Variants in C19orf53 observed in about 807,000 individuals in gnomAD.
C19orf53 encodes leydig cell tumor 10 kDa protein homolog.
Under a neutral mutation model 6.5 loss-of-function variants are expected in C19orf53, and 9 were observed. The observed-to-expected ratio is 1.38, with a 90% CI of 0.83 to 2.40. The LOEUF (loss-of-function observed/expected upper bound fraction) is 2.40, where lower values mean the gene tolerates loss of function less well. Among genes scored for constraint, C19orf53 ranks in the 30% most tolerant of loss-of-function variants. The pLI is 0.00. For synonymous variants in C19orf53, 68 were observed against 52.5 expected, an observed-to-expected ratio of 1.29 and a Z score of -1.27; for missense variants, 166 against 129.7, an observed-to-expected ratio of 1.28 and a Z score of -1.36.
intron 2 of C19orf53, among the ~76,000 whole-genome samples, chr19:13,775,989 C>T (rs182471078): frequency 9.2e-5 from 14 of 152,108 alleles, no homozygotes; most frequent in Non-Finnish European, 1.6e-4. Context: ...TGGAGTCTCG[C>T]TCTGTCGCCC....
At chr19:13,775,443 A>G (rs1974359882) in intron 2 of C19orf53, 1 of 152,298 alleles carries the variant, frequency 6.6e-6, no homozygotes, top group Non-Finnish European at 1.5e-5. Context: ...ATACGCGGCT[A>G]ATTTTATTTT....
At position 13,774,508 on chromosome 19, in the gene C19orf53, C is replaced by T. The variant is rs1264191698; in HGVS notation, c.31C>T (p.His11Tyr). Reference protein sequence around the residue: MAQGQRKFQAHKPAKSKTAAA... With the variant: MAQGQRKFQAYKPAKSKTAAA... ...GCAGGGGCAGCGCAAGTTTCAGGCG[C>T]ACAAACCCGCAAAGAGTAAGACGGC... The change falls in exon 1 of 3, where the codon CAC (histidine) becomes TAC (tyrosine). Residue 11 changes from histidine to tyrosine, a missense_variant. Coordinates refer to ENST00000588234, the MANE Select transcript of C19orf53 (RefSeq NM_014047.3). 1 of 1,612,964 alleles carries T rather than the reference C, an allele frequency of 6.2e-7. No individual in the cohort carries two copies. The highest frequency in any genetic ancestry group is 1.7e-5 in the Admixed American group (1 of 59,744).
Position 13,778,235 on chromosome 19 carries a change from C to G in C19orf53, c.*37C>G, listed in dbSNP as rs752073219. ...CCAGTGCAGGCCAACATCCCACCCC[C>G]TACCTCCATATGGGACCTTGCAAGT... On this transcript the variant is annotated 3_prime_UTR_variant, in exon 3 of 3. Coordinates refer to ENST00000588234, the MANE Select transcript of C19orf53 (RefSeq NM_014047.3). 2.6e-6 allele frequency: 4 copies of G among 1,539,268 alleles called. No individual in the cohort carries two copies. The East Asian group carries it at 9.3e-5, about 36-fold the overall frequency.
At position 13,778,195 on chromosome 19, in the gene C19orf53, C is replaced by G; in HGVS notation, c.297C>G (p.Ser99=). Residue 99 remains serine, a synonymous_variant, in exon 3 of 3, where the codon TCC becomes TCG. Coordinates refer to ENST00000588234, the MANE Select transcript of C19orf53 (RefSeq NM_014047.3). ...CCGCCACCTCCTCCAAGACACCTTC[C>G]TGAGGACGCTGGCCCCAGTGCAGGC... ...AAAATSSKTP[S] 1 of 1,600,180 alleles carries G rather than the reference C, an allele frequency of 6.2e-7. No individual in the cohort carries two copies. The highest frequency in any genetic ancestry group is 8.5e-7 in the Non-Finnish European group (1 of 1,171,534).
rs760304288 is a variant in C19orf53 at position 13,774,689 on chromosome 19, G to A, written c.135G>A (p.Gln45=). The change falls in exon 2 of 3, where the codon CAG becomes CAA. Residue 45 remains glutamine, a synonymous_variant. Coordinates refer to ENST00000588234, the MANE Select transcript of C19orf53 (RefSeq NM_014047.3). ...VIAPKKARVV[Q]QQKLKKNLEV... ...CTCCCAAGAAGGCGCGCGTCGTGCA[G>A]CAGCAAAAGCTCAAGAAGGTGTGCG... The A allele has an allele frequency of 1.2e-6, 2 of 1,608,784 alleles. No individual in the cohort carries two copies. The highest frequency in any genetic ancestry group is 1.7e-5 in the Admixed American group (1 of 59,870).
At position 13,774,687 on chromosome 19, in the gene C19orf53, C is replaced by G; in HGVS notation, c.133C>G (p.Gln45Glu). ...VIAPKKARVVQQQKLKKNLEV... is the reference protein window; with the variant it reads ...VIAPKKARVVEQQKLKKNLEV... Reference sequence around the variant, plus strand: ...CGCTCCCAAGAAGGCGCGCGTCGTGCAGCAGCAAAAGCTCAAGAAGGTGTG... The same window carrying G: ...CGCTCCCAAGAAGGCGCGCGTCGTGGAGCAGCAAAAGCTCAAGAAGGTGTG... Residue 45 changes from glutamine (Q) to glutamate (E), a missense_variant, in exon 2 of 3, where the codon CAG becomes GAG. Gln to Glu is a conservative substitution (Grantham distance 29, BLOSUM62 2). Transcript: ENST00000588234. 6.2e-7 allele frequency: 1 copy of G among 1,608,578 alleles called. No homozygotes were observed. Among genetic ancestry groups the G allele is most frequent in the Non-Finnish European group, 8.5e-7 (1 of 1,175,498 alleles).
chr19:13,777,796 A>C (rs1044046519), intron 2 of C19orf53, among the ~76,000 whole-genome samples: 2 of 152,228 alleles, frequency 1.3e-5, no homozygotes, highest in African/African-American at 4.8e-5. Flanking sequence ...TGGCTGCAGC[A>C]GACTGTTTCC....
chr19:13,775,225 C>T (rs1974356346), intron 2 of C19orf53, among the ~76,000 whole-genome samples: 1 of 152,158 alleles, frequency 6.6e-6, no homozygotes, highest in Admixed American at 6.5e-5. Flanking sequence ...GAATTGAAAG[C>T]CCAGCTTTGT....
intron 2 of C19orf53, chr19:13,774,936 T>C (rs1273432926): frequency 3.4e-6 from 2 of 591,842 alleles, no homozygotes; most frequent in Non-Finnish European, 5.9e-6. Context: ...GGATAGGGGC[T>C]GGGGGACGTG....
intron 2 of C19orf53, among the ~76,000 whole-genome samples, chr19:13,775,841 A>T (rs1974364877): frequency 1.3e-5 from 2 of 151,938 alleles, no homozygotes; most frequent in Non-Finnish European, 2.9e-5. Flanking sequence ...TCCAAAACCA[A>T]ATTCCTGATC....
At chr19:13,778,000 G>T in intron 2 of C19orf53, 52 bp from the exon 3 acceptor site, 1 of 1,562,430 alleles carries the variant, frequency 6.4e-7, no homozygotes, top group Non-Finnish European at 8.7e-7. Context: ...GACTGGTCAG[G>T]CCCTCTCTCA....
intron 2 of C19orf53, among the ~76,000 whole-genome samples, chr19:13,775,877 C>G (rs1232853019): frequency 6.6e-6 from 1 of 152,126 alleles, no homozygotes; most frequent in Non-Finnish European, 1.5e-5. Flanking sequence ...GCCCTCCTCC[C>G]CCTGTGATCA....
chr19:13,777,191 A>G (rs1313110883), intron 2 of C19orf53, among the ~76,000 whole-genome samples: 1 of 151,736 alleles, frequency 6.6e-6, no homozygotes, highest in African/African-American at 2.4e-5. Flanking sequence ...ACCTCAGGTG[A>G]TATGCCTGCC....
chr19:13,778,365 A>G lies in C19orf53; in HGVS notation c.*167A>G, dbSNP rs150552970. On this transcript the variant is annotated 3_prime_UTR_variant, in exon 3 of 3. Coordinates refer to ENST00000588234, the MANE Select transcript of C19orf53 (RefSeq NM_014047.3). ...GGGTGCTGAGAACCCAGCAATGACCAGGAAGATACAGTCACTAACTTCATC... is the reference window on the plus strand; with the variant it reads ...GGGTGCTGAGAACCCAGCAATGACCGGGAAGATACAGTCACTAACTTCATC... 31 of 753,906 alleles carry G rather than the reference A, an allele frequency of 4.1e-5. No homozygotes were observed. The African/African-American group carries it at 4.6e-4, about 11-fold the overall frequency. The allele number at this position is 753,906 out of a possible 1,614,324, so 46.7% of individuals were successfully genotyped here. A position where few individuals can be genotyped will look rare whatever the true frequency, so the allele number is the denominator to read the frequency against.
chr19:13,775,774 C>T (rs1173889885), intron 2 of C19orf53, among the ~76,000 whole-genome samples: 1 of 152,154 alleles, frequency 6.6e-6, no homozygotes, highest in Non-Finnish European at 1.5e-5. Flanking sequence ...TGGGTACCCA[C>T]TGGCCCGCTT....
intron 2 of C19orf53, among the ~76,000 whole-genome samples, chr19:13,777,502 A>G (rs2145214612): frequency 6.6e-6 from 1 of 152,314 alleles, no homozygotes. Flanking sequence ...CTGGGATCAC[A>G]GGCTTGAGCC....
At position 13,774,578 on chromosome 19, in the gene C19orf53, A is replaced by G; in HGVS notation, c.97+4A>G. The G allele has an allele frequency of 6.2e-7, 1 of 1,614,070 alleles. No individual in the cohort carries two copies. The highest frequency in any genetic ancestry group is 8.5e-7 in the Non-Finnish European group (1 of 1,179,904). ...AATCGGGGCCCAAGAAAAGGCGGTAAGGAGCGGCCCGGGGACTTGGGGGCG... is the reference window on the plus strand; with the variant it reads ...AATCGGGGCCCAAGAAAAGGCGGTAGGGAGCGGCCCGGGGACTTGGGGGCG... On this transcript the variant is annotated splice_donor_region_variant and intron_variant, in intron 1 of 2. Coordinates refer to ENST00000588234, the MANE Select transcript of C19orf53 (RefSeq NM_014047.3).
intron 2 of C19orf53, 114 bp downstream of exon 2, chr19:13,774,821 A>T (rs1206728208): frequency 3.6e-6 from 5 of 1,373,662 alleles, no homozygotes; most frequent in East Asian, 2.3e-5. Context: ...GAGAGGGTGG[A>T]TCCTGGGGAC....
chr19:13,774,605 G>C (rs368897495), intron 1 of C19orf53, 31 bp downstream of exon 1: 19 of 1,613,142 alleles, frequency 1.2e-5, no homozygotes, highest in Non-Finnish European at 1.6e-5. Flanking sequence ...TTGGGGGCGA[G>C]GTGGACCCCC....
Sources: gnomAD v4.1 joint callset for allele counts (sites outside exome capture counted in the v4.1 genomes callset) on GRCh38, gnomAD v4.1.1 for gene constraint, MANE v1.5 for transcripts, NCBI Gene and HGNC (gene_info 2026-07-23, HGNC 2026-07-21) for gene names.